NDST4: variants seen among roughly 807,000 people sequenced by gnomAD.
The protein encoded by NDST4 is N-deacetylase and N-sulfotransferase 4.
In NDST4, 63 loss-of-function variants were observed where a neutral mutation model predicts 100.8. The observed-to-expected ratio is 0.62, with a 90% CI of 0.51 to 0.77. The LOEUF is 0.77. Among genes scored for constraint, NDST4 ranks in the 30% least tolerant of loss-of-function variants. NDST4 has a pLI of 0.00. For synonymous variants in NDST4, 377 were observed against 361.8 expected (o/e 1.04, Z -0.48); for missense variants, 943 against 1,018.4 (o/e 0.93, Z 1.01).
At chr4:114,900,894 T>A (rs60920818) in intron 6 of NDST4, among the ~76,000 whole-genome samples, 8,973 of 152,214 alleles carry the variant, frequency 0.059, 723 homozygotes, top group African/African-American at 0.18. Context: ...AAATTTCTTC[T>A]TTGACCCATG....
rs759796145 is a variant in NDST4, at chr4:114,935,222, G to T, written c.1520C>A (p.Thr507Lys). ...KSIRGGELFL[T>K]ILLNPISIFM... ...AATACATACTGGGTTTAGAAGGATT[G>T]TGAGAAAAAGTTCACCTCCTCTGAT... Residue 507 changes from threonine (T) to lysine (K), a missense_variant, in exon 6 of 14, where the codon ACA becomes AAA. Coordinates refer to ENST00000264363, the MANE Select transcript of NDST4 (RefSeq NM_022569.3). 3 of 1,607,648 alleles carry T rather than the reference G, an allele frequency of 1.9e-6. No homozygotes were observed. The highest frequency in any genetic ancestry group is 2.5e-6 in the Non-Finnish European group (3 of 1,177,172).
chr4:115,102,571 C>T, intron 1 of NDST4, among the ~76,000 whole-genome samples: 1 of 151,938 alleles, frequency 6.6e-6, no homozygotes, highest in East Asian at 1.9e-4. Context: ...TTTAATTATT[C>T]TGCTTCTGAA....
At chr4:114,967,986 A>T (rs1287360340) in intron 4 of NDST4, among the ~76,000 whole-genome samples, 2 of 152,188 alleles carry the variant, frequency 1.3e-5, no homozygotes, top group African/African-American at 4.8e-5. Flanking sequence ...AGAAACAGAC[A>T]TAGAGAATCT....
rs368616687 is a variant in NDST4, at chr4:115,035,065, A to T, written c.978+40994T>A. ...TACATCTGTTCCTTAGTGTACCCAA[A>T]CTAACACAATTTTTCCAAAATCTTT... is the stretch of plus-strand genomic sequence containing the variant. On this transcript the variant is annotated intron_variant, in intron 2 of 13. Coordinates refer to ENST00000264363, the MANE Select transcript of NDST4 (RefSeq NM_022569.3). 7.9e-5 allele frequency among the ~76,000 whole-genome samples: 12 copies of T among 152,190 alleles called. No homozygotes were observed. In the East Asian group the frequency reaches 1.4e-3, roughly 17 times the overall value.
At chr4:115,014,820 C>G (rs1259197220) in intron 2 of NDST4, among the ~76,000 whole-genome samples, 3 of 151,978 alleles carry the variant, frequency 2.0e-5, no homozygotes, top group African/African-American at 7.2e-5. Context: ...CCTACTGGAC[C>G]TTATTAGGTC....
intron 1 of NDST4, among the ~76,000 whole-genome samples, chr4:115,078,059 C>T (rs1045339960): frequency 2.0e-5 from 3 of 152,158 alleles, no homozygotes; most frequent in Non-Finnish European, 4.4e-5. Context: ...TTCTCTATCA[C>T]TTCCTTTAGT....
intron 2 of NDST4, among the ~76,000 whole-genome samples, chr4:114,985,621 G>GT (rs1170480901): frequency 6.6e-6 from 1 of 152,094 alleles, no homozygotes; most frequent in Admixed American, 6.6e-5. Context: ...AACAAAACTG[G>GT]TAAGTTTTCT....
intron 7 of NDST4, among the ~76,000 whole-genome samples, chr4:114,862,263 A>T (rs1723934247): frequency 6.6e-6 from 1 of 152,198 alleles, no homozygotes; most frequent in African/African-American, 2.4e-5. Context: ...GCTGTCTTTC[A>T]TGGCAGTCCC....
intron 6 of NDST4, among the ~76,000 whole-genome samples, chr4:114,920,095 C>T (rs1009876711): frequency 1.3e-5 from 2 of 152,186 alleles, no homozygotes; most frequent in Admixed American, 1.3e-4. Flanking sequence ...AAATTTAAAA[C>T]AGTAAATATT....
At chr4:114,973,242 A>G (rs1726554101) in intron 3 of NDST4, among the ~76,000 whole-genome samples, 4 of 152,004 alleles carry the variant, frequency 2.6e-5, no homozygotes, top group African/African-American at 9.7e-5. Context: ...TTTGCAGTTT[A>G]TATGTGACCA....
At chr4:114,874,019 T>C (rs914252638) in intron 6 of NDST4, among the ~76,000 whole-genome samples, 2 of 152,132 alleles carry the variant, frequency 1.3e-5, no homozygotes, top group East Asian at 1.9e-4. Context: ...CATTGTTGTA[T>C]AACCAGCATC....
intron 6 of NDST4, among the ~76,000 whole-genome samples, chr4:114,877,883 CAG>C (rs1724289313): frequency 6.6e-6 from 1 of 150,740 alleles, no homozygotes; most frequent in South Asian, 2.1e-4. Flanking sequence ...ACGCTGGAGG[CAG>C]AGTTTGCAGT....
At chr4:114,873,862 T>TAATA (rs1724202277) in intron 6 of NDST4, among the ~76,000 whole-genome samples, 2 of 152,124 alleles carry the variant, frequency 1.3e-5, no homozygotes. Flanking sequence ...TGAAGAAAGA[T>TAATA]AATAATGTCC....
chr4:114,978,759 T>A (rs534922091), intron 2 of NDST4, among the ~76,000 whole-genome samples: 1 of 152,112 alleles, frequency 6.6e-6, no homozygotes, highest in Admixed American at 6.6e-5. Context: ...TCTTGATTTT[T>A]AAAAAAATTT....
Position 114,848,267 on chromosome 4 carries a change from A to C in NDST4, c.1888T>G (p.Phe630Val), listed in dbSNP as rs1723597154. ...IISNLPSPKT[F>V]EEVQFFNGNN... Reference sequence around the variant, plus strand: ...CCATTAAAGAACTGAACTTCCTCAAATGTCTTTGGACTAGGGAGATTGCTG... The same window carrying C: ...CCATTAAAGAACTGAACTTCCTCAACTGTCTTTGGACTAGGGAGATTGCTG... The change falls in exon 9 of 14, where the codon TTT becomes GTT. Residue 630 changes from phenylalanine to valine, a missense_variant. Coordinates refer to ENST00000264363, the MANE Select transcript of NDST4 (RefSeq NM_022569.3). 6.2e-7 allele frequency: 1 copy of C among 1,610,948 alleles called. No homozygotes were observed. Among genetic ancestry groups the C allele is most frequent in the African/African-American group, 1.3e-5 (1 of 74,808 alleles).
intron 2 of NDST4, among the ~76,000 whole-genome samples, chr4:115,075,459 T>C (rs901564444): frequency 6.6e-6 from 1 of 152,102 alleles, no homozygotes; most frequent in African/African-American, 2.4e-5. Flanking sequence ...GAGGTTGTTC[T>C]AAATGGTTCT....
intron 12 of NDST4, among the ~76,000 whole-genome samples, chr4:114,833,059 C>G (rs1231645445): frequency 6.6e-6 from 1 of 152,192 alleles, no homozygotes; most frequent in Non-Finnish European, 1.5e-5. Flanking sequence ...TCCTGACCCA[C>G]AGATTCCATG....
At chr4:114,866,870 T>C (rs144362871) in intron 7 of NDST4, among the ~76,000 whole-genome samples, 20 of 152,318 alleles carry the variant, frequency 1.3e-4, no homozygotes, top group Non-Finnish European at 2.6e-4. Context: ...TTCAAAAGCA[T>C]AGGTTGAATA....
At chr4:114,918,560 T>TA (rs10593709) in intron 6 of NDST4, among the ~76,000 whole-genome samples, 7,482 of 149,844 alleles carry the variant, frequency 0.05, 608 homozygotes, top group African/African-American at 0.17. Context: ...TAAAAATAAA[T>TA]AAAAAAAAAA....
Sources: gnomAD v4.1 joint callset for allele counts (sites outside exome capture counted in the v4.1 genomes callset) on GRCh38, gnomAD v4.1.1 for gene constraint, MANE v1.5 for transcripts, NCBI Gene and HGNC (gene_info 2026-07-23, HGNC 2026-07-21) for gene names.